RNLS: variants seen among roughly 807,000 people sequenced by gnomAD.
The protein encoded by RNLS is renalase.
In RNLS, 39 loss-of-function variants were observed where a neutral mutation model predicts 39.8. The ratio of observed to expected loss-of-function variants is 0.98; its 90% CI spans 0.76 to 1.28. RNLS has a LOEUF of 1.28. Ranked by LOEUF, RNLS falls within the 50% of genes most tolerant of loss-of-function variation. The probability of loss-of-function intolerance (pLI) is 0.00; values close to 1 mark genes in which losing one functional copy is unlikely to be tolerated. For missense variants in RNLS, 410 were observed against 413.3 expected, an observed-to-expected ratio of 0.99 and a Z score of 0.07; for synonymous variants, 147 against 150.7, an observed-to-expected ratio of 0.98 and a Z score of 0.18.
intron 6 of RNLS, among the ~76,000 whole-genome samples, chr10:88,279,101 C>T (rs1451630004): frequency 2.0e-5 from 3 of 152,104 alleles, no homozygotes; most frequent in Non-Finnish European, 4.4e-5. Context: ...CAGTGCCATG[C>T]AAGGTCTCTG....
chr10:88,545,715 T>G (rs1353254410), intron 4 of RNLS, among the ~76,000 whole-genome samples: 1 of 152,196 alleles, frequency 6.6e-6, no homozygotes, highest in African/African-American at 2.4e-5. Flanking sequence ...AGCATTATAC[T>G]GCTATTATGT....
At chr10:88,343,651 T>C in intron 5 of RNLS, 2 of 985,396 alleles carry the variant, frequency 2.0e-6, no homozygotes, top group Non-Finnish European at 2.4e-6. Context: ...ATAGATTCTG[T>C]CCATTCAAAG....
chr10:88,291,930 T>C (rs1843696460), intron 6 of RNLS, among the ~76,000 whole-genome samples: 1 of 152,074 alleles, frequency 6.6e-6, no homozygotes, highest in African/African-American at 2.4e-5. Flanking sequence ...GAAAATAAAA[T>C]ACAGGCGTTT....
At chr10:88,424,793 C>T (rs1413618095) in intron 4 of RNLS, among the ~76,000 whole-genome samples, 3 of 151,970 alleles carry the variant, frequency 2.0e-5, no homozygotes, top group Admixed American at 2.0e-4. Context: ...GCATAGGACC[C>T]GAGCTGTTGA....
the RNLS span, among the ~76,000 whole-genome samples, chr10:88,192,297 G>T: frequency 6.6e-6 from 1 of 152,074 alleles, no homozygotes; most frequent in Non-Finnish European, 1.5e-5. Context: ...AGAATCAAGT[G>T]AATTAATATT....
chr10:88,471,779 T>C (rs1247519431), intron 4 of RNLS, among the ~76,000 whole-genome samples: 3 of 152,118 alleles, frequency 2.0e-5, no homozygotes, highest in African/African-American at 7.2e-5. Flanking sequence ...TGGAGTCTCA[T>C]GGGGATGTGT....
chr10:88,443,502 G>A (rs553274406), intron 4 of RNLS, among the ~76,000 whole-genome samples: 17 of 152,316 alleles, frequency 1.1e-4, no homozygotes, highest in African/African-American at 3.4e-4. Flanking sequence ...AGCGTGAGCC[G>A]AAGCAGGGCG....
the RNLS span, among the ~76,000 whole-genome samples, chr10:88,184,928 A>G: frequency 6.6e-6 from 1 of 152,264 alleles, no homozygotes; most frequent in South Asian, 2.1e-4. Flanking sequence ...AAGCATCAGA[A>G]TGTTTTCAGC....
chr10:88,228,292 A>G, the RNLS span, among the ~76,000 whole-genome samples: 1 of 152,092 alleles, frequency 6.6e-6, no homozygotes, highest in Non-Finnish European at 1.5e-5. Flanking sequence ...GCTTTTCTCA[A>G]GAGGACTTAT....
intron 4 of RNLS, among the ~76,000 whole-genome samples, chr10:88,569,247 G>C (rs780982092): frequency 8.6e-5 from 13 of 151,970 alleles, no homozygotes; most frequent in Non-Finnish European, 1.8e-4. Flanking sequence ...GACCTGAAAA[G>C]GAACTGAAAC....
chr10:88,368,495 A>G (rs1398427559), intron 4 of RNLS, among the ~76,000 whole-genome samples: 1 of 151,774 alleles, frequency 6.6e-6, no homozygotes, highest in East Asian at 1.9e-4. Flanking sequence ...AAATATCACC[A>G]TATTTTCATT....
chr10:88,575,489 C>G (rs774959618), intron 3 of RNLS, among the ~76,000 whole-genome samples: 7 of 151,748 alleles, frequency 4.6e-5, no homozygotes, highest in Non-Finnish European at 1.0e-4. Flanking sequence ...TAGGTGGACA[C>G]GCCCAAATCA....
At chr10:88,494,554 A>C (rs1845064895) in intron 4 of RNLS, among the ~76,000 whole-genome samples, 1 of 152,114 alleles carries the variant, frequency 6.6e-6, no homozygotes, top group African/African-American at 2.4e-5. Flanking sequence ...TTCTAAGGTG[A>C]CTCAAGATTA....
chr10:88,455,264 G>GAA (rs11432575), intron 4 of RNLS, among the ~76,000 whole-genome samples: 4 of 150,904 alleles, frequency 2.7e-5, no homozygotes, highest in Admixed American at 6.6e-5. Flanking sequence ...AAAGTAAAGG[G>GAA]AAAAAAAAAT....
chr10:88,317,852 A>C (rs1845878353), intron 5 of RNLS, among the ~76,000 whole-genome samples: 1 of 152,144 alleles, frequency 6.6e-6, no homozygotes, highest in Non-Finnish European at 1.5e-5. Flanking sequence ...TCTGGCAGAG[A>C]TTGACCCCTG....
At chr10:88,496,062 C>T (rs1845156736) in intron 4 of RNLS, among the ~76,000 whole-genome samples, 1 of 151,864 alleles carries the variant, frequency 6.6e-6, no homozygotes, top group Admixed American at 6.6e-5. Context: ...TTGCAGAAGG[C>T]AAAGGGGACA....
At chr10:88,396,717 AAC>A (rs1272486941) in intron 4 of RNLS, among the ~76,000 whole-genome samples, 21 of 150,992 alleles carry the variant, frequency 1.4e-4, no homozygotes, top group African/African-American at 4.6e-4. Context: ...AAAAAAAAAA[AAC>A]CTGATCCAAC....
At chr10:88,402,933 T>C (rs999327402) in intron 4 of RNLS, among the ~76,000 whole-genome samples, 1 of 152,022 alleles carries the variant, frequency 6.6e-6, no homozygotes, top group Non-Finnish European at 1.5e-5. Flanking sequence ...ACCTCAGCAA[T>C]AGTTAATAAC....
At chr10:88,531,572 T>G (rs922844351) in intron 4 of RNLS, among the ~76,000 whole-genome samples, 1 of 151,980 alleles carries the variant, frequency 6.6e-6, no homozygotes, top group South Asian at 2.1e-4. Context: ...ACTCTGTAGA[T>G]CTCAGCACCA....
Sources: allele counts gnomAD v4.1 joint callset (sites outside exome capture counted in the v4.1 genomes callset), GRCh38; gene constraint gnomAD v4.1.1; transcripts MANE v1.5; gene names NCBI Gene and HGNC (gene_info 2026-07-23, HGNC 2026-07-21).